The following TJP1 variants were observed in gnomAD, a reference collection of about 807,000 sequenced individuals.
TJP1 encodes the protein tight junction protein 1.
Under a neutral mutation model 194.2 loss-of-function variants are expected in TJP1, and 43 were observed. The observed-to-expected ratio is 0.22, with a 90% CI of 0.17 to 0.29. The LOEUF is 0.29. Ranked by LOEUF, TJP1 falls within the 10% of genes least tolerant of loss-of-function variation. The pLI, the probability that TJP1 is intolerant of heterozygous loss-of-function variation, is 1.00. For synonymous variants in TJP1, 801 were observed against 779.0 expected, an observed-to-expected ratio of 1.03 and a Z score of -0.47; for missense variants, 1,971 against 2,185.7, an observed-to-expected ratio of 0.90 and a Z score of 1.96.
At chr15:29,720,177 A>G (rs2042842018) in intron 19 of TJP1, 161 bp from the exon 20 acceptor site, 1 of 1,150,166 alleles carries the variant, frequency 8.7e-7, no homozygotes, top group Admixed American at 2.9e-5. Context: ...AATCCAGTAC[A>G]TTGCTGTGTT....
intron 2 of TJP1, among the ~76,000 whole-genome samples, chr15:29,799,966 G>T (rs1159743970): frequency 6.6e-6 from 1 of 152,204 alleles, no homozygotes; most frequent in Non-Finnish European, 1.5e-5. Flanking sequence ...AGAGGAAAGA[G>T]AATTTTGAGA....
At chr15:29,782,894 C>CA (rs34832565) in intron 2 of TJP1, among the ~76,000 whole-genome samples, 3,747 of 80,638 alleles carry the variant, frequency 0.046, 89 homozygotes, top group East Asian at 0.098. Flanking sequence ...AGACACTTTT[C>CA]AAAAAAAAAA....
At chr15:29,945,440 T>C (rs913081576) in intron 2 of TJP1, among the ~76,000 whole-genome samples, 1 of 152,194 alleles carries the variant, frequency 6.6e-6, no homozygotes, top group Non-Finnish European at 1.5e-5. Flanking sequence ...CCCTACAAAC[T>C]TCATTACTTC....
chr15:29,934,558 C>G (rs931651688), intron 2 of TJP1, among the ~76,000 whole-genome samples: 54 of 152,252 alleles, frequency 3.5e-4, no homozygotes, highest in African/African-American at 1.1e-3. Context: ...TGAATGACGC[C>G]AAGTTAAAAC....
chr15:29,853,194 A>G (rs766854443), intron 2 of TJP1, among the ~76,000 whole-genome samples: 6 of 152,222 alleles, frequency 3.9e-5, no homozygotes, highest in Non-Finnish European at 7.3e-5. Flanking sequence ...AGAACATTTT[A>G]AAGTGATAAC....
intron 27 of TJP1, among the ~76,000 whole-genome samples, chr15:29,702,424 CTA>C (rs2041607408): frequency 6.6e-6 from 1 of 152,168 alleles, no homozygotes; most frequent in Middle Eastern, 3.2e-3. Flanking sequence ...GCAGGGACGA[CTA>C]TATGTCTCTG....
At chr15:29,814,103 G>A (rs540424359) in intron 1 of TJP1, among the ~76,000 whole-genome samples, 43 of 152,258 alleles carry the variant, frequency 2.8e-4, no homozygotes, top group African/African-American at 1.0e-3. Flanking sequence ...TTACATCAAT[G>A]TATCCAGATT....
At chr15:29,842,180 T>C (rs1489184838) in intron 2 of TJP1, among the ~76,000 whole-genome samples, 1 of 152,152 alleles carries the variant, frequency 6.6e-6, no homozygotes, top group African/African-American at 2.4e-5. Context: ...CATAGGTTCA[T>C]TGATATAAAC....
intron 25 of TJP1, among the ~76,000 whole-genome samples, chr15:29,707,642 C>T (rs1017734578): frequency 1.1e-4 from 16 of 152,132 alleles, no homozygotes; most frequent in Non-Finnish European, 2.4e-4. Context: ...TGGCCAGAAT[C>T]CATCTGGTCA....
intron 1 of TJP1, among the ~76,000 whole-genome samples, chr15:29,811,839 A>G (rs548162589): frequency 6.8e-6 from 1 of 147,918 alleles, no homozygotes; most frequent in South Asian, 2.2e-4. Flanking sequence ...CTACTAACCT[A>G]CAGGCTGATC....
chr15:29,894,210 G>A (rs183578644), intron 2 of TJP1, among the ~76,000 whole-genome samples: 3 of 152,222 alleles, frequency 2.0e-5, no homozygotes, highest in Admixed American at 6.5e-5. Context: ...TGTAATCCCA[G>A]CACCTTGGAA....
chr15:29,787,412 A>G (rs1024311956), intron 2 of TJP1, among the ~76,000 whole-genome samples: 3 of 152,226 alleles, frequency 2.0e-5, no homozygotes, highest in African/African-American at 4.8e-5. Context: ...TATGATGTCA[A>G]AAGTATAAGC....
chr15:29,968,791 CCCGCCGCCTCCG>C lies in TJP1; in HGVS notation c.37_48del (p.Arg13_Arg16del), dbSNP rs757445031. 10 of 1,208,120 alleles carry C rather than the reference CCCGCCGCCTCCG, an allele frequency of 8.3e-6. 1 individual carries two copies. The South Asian group carries it at 1.4e-4, about 16-fold the overall frequency. The allele number at this position is 1,208,120 out of a possible 1,614,324, so 74.8% of individuals were successfully genotyped here. ...TCCCCGCTCCGCTCGCGGGCAGGGC[CCCGCCGCCTCCG>C]CCGCCGCCGCAGACACAGCCCCTCC... On this transcript the variant is annotated inframe_deletion, in exon 1 of 29. Transcript: ENST00000356107.
rs551143089 is a variant in TJP1 at position 29,732,734 on chromosome 15, A to C, written c.1818T>G (p.Gly606=). 5 of 1,614,128 alleles carry C rather than the reference A, an allele frequency of 3.1e-6. No individual in the cohort carries two copies. The African/African-American group carries it at 4.0e-5, about 13-fold the overall frequency. ...GAAGATTTCTCTTGGAGCTGCGAAG[A>C]CCTCTGAATCTCCAGAAGTCAGCAC... is the stretch of plus-strand genomic sequence containing the variant. The part of the protein sequence containing the change: ...GDRADFWRFR[G]LRSSKRNLRK... Residue 606 remains glycine (G), a synonymous_variant, in exon 14 of 28, where the codon GGT becomes GGG. Coordinates refer to ENST00000614355, the MANE Select transcript of TJP1 (RefSeq NM_001330239.4).
chr15:29,708,826 G>A lies in TJP1; in HGVS notation c.4583C>T (p.Thr1528Ile). 2 of 1,614,196 alleles carry A rather than the reference G, an allele frequency of 1.2e-6. No homozygotes were observed. Among genetic ancestry groups the A allele is most frequent in the South Asian group, 1.1e-5 (1 of 91,084 alleles). The change falls in exon 25 of 28, where the codon ACA becomes ATA. Residue 1528 changes from threonine (T) to isoleucine (I), a missense_variant. By Grantham distance (89) the Thr-to-Ile change is moderately conservative (BLOSUM62 -1). Coordinates refer to ENST00000614355, the MANE Select transcript of TJP1 (RefSeq NM_001330239.4). ...KTVTPAYNRF[T>I]PKPYTSSARP... ...GGCAGAACTTGTATATGGTTTTGGT[G>A]TGAATCGATTGTATGCTGGAGTGAC...
At chr15:29,886,518 A>G (rs372090492) in intron 2 of TJP1, among the ~76,000 whole-genome samples, 71 of 151,890 alleles carry the variant, frequency 4.7e-4, no homozygotes, top group African/African-American at 1.5e-3. Flanking sequence ...CTTTCAGCCC[A>G]GGATTTTGAG....
intron 23 of TJP1, among the ~76,000 whole-genome samples, chr15:29,716,315 T>G (rs138860995): frequency 4.4e-4 from 67 of 152,340 alleles, no homozygotes; most frequent in African/African-American, 1.6e-3. Context: ...ATTAGGTGTG[T>G]GTACAGAAGT....
intron 1 of TJP1, among the ~76,000 whole-genome samples, chr15:29,817,422 G>A (rs143980474): frequency 1.3e-5 from 2 of 152,236 alleles, no homozygotes; most frequent in African/African-American, 4.8e-5. Context: ...AAGATAGTAT[G>A]GCAATTCCTC....
chr15:29,950,682 T>A (rs1238366422), intron 2 of TJP1, among the ~76,000 whole-genome samples: 1 of 152,192 alleles, frequency 6.6e-6, no homozygotes. Context: ...GTGGTGTCCA[T>A]GTCCCTCCAT....
Sources: gnomAD v4.1 joint callset for allele counts (sites outside exome capture counted in the v4.1 genomes callset) on GRCh38, gnomAD v4.1.1 for gene constraint, MANE v1.5 for transcripts, NCBI Gene and HGNC (gene_info 2026-07-23, HGNC 2026-07-21) for gene names.